PAPPA2: variants seen among roughly 807,000 people sequenced by gnomAD.
PAPPA2 encodes the protein pappalysin 2.
A neutral mutation model predicts 176.4 loss-of-function variants in PAPPA2; 86 were observed. The observed-to-expected ratio is 0.49, with a 90% confidence interval of 0.41 to 0.58. The LOEUF (loss-of-function observed/expected upper bound fraction) is 0.58. Among genes scored for constraint, PAPPA2 ranks in the 20% least tolerant of loss-of-function variants. PAPPA2 has a pLI of 0.00. For missense variants in PAPPA2, 2,073 were observed against 2,256.9 expected (o/e 0.92, Z 1.65); for synonymous variants, 809 against 852.2 (o/e 0.95, Z 0.88).
chr1:176,757,863 C>G (rs1663501812), intron 14 of PAPPA2, among the ~76,000 whole-genome samples: 1 of 152,162 alleles, frequency 6.6e-6, no homozygotes, highest in African/African-American at 2.4e-5. Context: ...TTTAATCCAT[C>G]TACAGACAAC....
intron 12 of PAPPA2, among the ~76,000 whole-genome samples, chr1:176,713,848 A>G (rs1443469070): frequency 6.6e-6 from 1 of 152,158 alleles, no homozygotes; most frequent in Non-Finnish European, 1.5e-5. Flanking sequence ...GATTATAGCA[A>G]CTCAACACAC....
At chr1:176,785,057 A>C (rs1389015581) in intron 17 of PAPPA2, among the ~76,000 whole-genome samples, 1 of 152,140 alleles carries the variant, frequency 6.6e-6, no homozygotes, top group Non-Finnish European at 1.5e-5. Context: ...TCACCATATG[A>C]GTTTGCGAGG....
chr1:176,514,918 T>C (rs550795970), intron 1 of PAPPA2, among the ~76,000 whole-genome samples: 38 of 152,308 alleles, frequency 2.5e-4, no homozygotes, highest in African/African-American at 8.9e-4. Flanking sequence ...ATTATTCTTA[T>C]TCAGTGTTTA....
intron 7 of PAPPA2, 51 bp downstream of exon 7, chr1:176,695,910 G>C: frequency 6.2e-7 from 1 of 1,602,702 alleles, no homozygotes; most frequent in South Asian, 1.1e-5. Context: ...ACTGAGGATG[G>C]GGGTGGAGGT....
chr1:176,781,365 C>CTT (rs35029858), intron 17 of PAPPA2, among the ~76,000 whole-genome samples: 747 of 46,258 alleles, frequency 0.016, 146 homozygotes, highest in East Asian at 0.043. Flanking sequence ...TTGTAAGGGG[C>CTT]TTTTTTTTTT....
intron 2 of PAPPA2, among the ~76,000 whole-genome samples, chr1:176,568,209 A>G (rs1345936721): frequency 6.6e-6 from 1 of 152,250 alleles, no homozygotes; most frequent in Non-Finnish European, 1.5e-5. Flanking sequence ...GTAGGAGACA[A>G]CATAAACACA....
intron 3 of PAPPA2, among the ~76,000 whole-genome samples, chr1:176,653,041 G>A (rs1657825925): frequency 6.6e-6 from 1 of 151,726 alleles, no homozygotes; most frequent in Non-Finnish European, 1.5e-5. Context: ...TTTAAATGAA[G>A]ATGTCACTTC....
intron 1 of PAPPA2, among the ~76,000 whole-genome samples, chr1:176,537,006 T>G (rs961217439): frequency 6.6e-6 from 1 of 152,216 alleles, no homozygotes; most frequent in Non-Finnish European, 1.5e-5. Flanking sequence ...TAGCATTTGG[T>G]AGAGTTCTGT....
At chr1:176,497,154 A>G (rs1226432923) in intron 1 of PAPPA2, among the ~76,000 whole-genome samples, 1 of 152,174 alleles carries the variant, frequency 6.6e-6, no homozygotes, top group Non-Finnish European at 1.5e-5. Flanking sequence ...AGTCCCAGTT[A>G]GATTATATAA....
At chr1:176,615,415 A>G (rs1383039753) in intron 3 of PAPPA2, among the ~76,000 whole-genome samples, 1 of 152,136 alleles carries the variant, frequency 6.6e-6, no homozygotes, top group African/African-American at 2.4e-5. Context: ...GGTTCATGCC[A>G]TTCTCCTGCC....
At chr1:176,825,066 T>C (rs1666804072) in intron 21 of PAPPA2, among the ~76,000 whole-genome samples, 1 of 152,224 alleles carries the variant, frequency 6.6e-6, no homozygotes, top group Admixed American at 6.5e-5. Flanking sequence ...ACTGGTAAGC[T>C]AATGATCTGT....
chr1:176,771,036 A>C lies in PAPPA2; in HGVS notation c.4571A>C (p.Glu1524Ala), dbSNP rs756786680. The change falls in exon 17 of 23, where the codon GAG becomes GCG. Residue 1524 changes from glutamate to alanine, a missense_variant. Coordinates refer to ENST00000367662, the MANE Select transcript of PAPPA2 (RefSeq NM_020318.3). The part of the protein sequence containing the change: ...WSLPEVYCKL[E>A]CDAPPIILNA... ...CTCCCTGAAGTCTACTGCAAGTTGG[A>C]GTGTGATGCTCCCCCTATTATTCTG... 2.5e-5 allele frequency: 40 copies of C among 1,613,984 alleles called. No homozygotes were observed. The highest frequency in any genetic ancestry group is 3.1e-5 in the Non-Finnish European group (36 of 1,180,018).
intron 1 of PAPPA2, among the ~76,000 whole-genome samples, chr1:176,496,121 T>G (rs932082133): frequency 1.3e-5 from 2 of 152,210 alleles, no homozygotes; most frequent in African/African-American, 4.8e-5. Context: ...CTTTAAGTTT[T>G]AAGGTACATG....
chr1:176,658,283 A>G (rs1658137754), intron 3 of PAPPA2, among the ~76,000 whole-genome samples: 1 of 151,990 alleles, frequency 6.6e-6, no homozygotes, highest in Admixed American at 6.6e-5. Context: ...GTTGGACTAG[A>G]GTGGATGTGA....
intron 4 of PAPPA2, among the ~76,000 whole-genome samples, chr1:176,684,005 G>A (rs538982316): frequency 1.3e-4 from 20 of 152,204 alleles, no homozygotes; most frequent in South Asian, 4.2e-4. Flanking sequence ...GGTAGTGGTC[G>A]TGTTGGTAGT....
intron 17 of PAPPA2, among the ~76,000 whole-genome samples, chr1:176,780,222 T>C (rs1447878566): frequency 3.3e-5 from 5 of 152,204 alleles, no homozygotes; most frequent in Non-Finnish European, 7.3e-5. Flanking sequence ...ATCACGCCTG[T>C]CTGTGAGTCA....
intron 2 of PAPPA2, among the ~76,000 whole-genome samples, chr1:176,577,109 A>G (rs1652692352): frequency 6.6e-6 from 1 of 152,134 alleles, no homozygotes; most frequent in South Asian, 2.1e-4. Context: ...ACTAATAATA[A>G]TAACTGTAAG....
intron 21 of PAPPA2, among the ~76,000 whole-genome samples, chr1:176,817,744 A>C (rs1172575441): frequency 2.9e-4 from 44 of 151,820 alleles, no homozygotes; most frequent in Non-Finnish European, 5.9e-5. Context: ...AAAAAAAGAA[A>C]GAAAGAAAAG....
intron 3 of PAPPA2, among the ~76,000 whole-genome samples, chr1:176,629,603 G>A (rs2102706261): frequency 6.6e-6 from 1 of 152,274 alleles, no homozygotes; most frequent in Non-Finnish European, 1.5e-5. Flanking sequence ...GGAACGTAGG[G>A]ACAATAACAC....
Sources: gnomAD v4.1 joint callset for allele counts (sites outside exome capture counted in the v4.1 genomes callset) on GRCh38, gnomAD v4.1.1 for gene constraint, MANE v1.5 for transcripts, NCBI Gene and HGNC (gene_info 2026-07-23, HGNC 2026-07-21) for gene names.